The following TENM2 variants were observed in gnomAD, a reference collection of about 807,000 sequenced individuals.
TENM2 encodes the protein teneurin-2.
A neutral mutation model predicts 245.2 loss-of-function variants in TENM2; 52 were observed. The ratio of observed to expected loss-of-function variants is 0.21; its 90% CI spans 0.17 to 0.27. The LOEUF is 0.27. Among genes scored for constraint, TENM2 ranks in the 10% least tolerant of loss-of-function variants. TENM2 has a pLI of 1.00. For synonymous variants in TENM2, 1,363 were observed against 1,438.9 expected, an observed-to-expected ratio of 0.95 and a Z score of 1.19; for missense variants, 3,046 against 3,666.8, an observed-to-expected ratio of 0.83 and a Z score of 4.37.
At chr5:167,454,284 A>G (rs996255435) in intron 2 of TENM2, among the ~76,000 whole-genome samples, 1 of 152,170 alleles carries the variant, frequency 6.6e-6, no homozygotes, top group African/African-American at 2.4e-5. Context: ...GTATTGCTGT[A>G]CTAGTCAGGA....
At chr5:167,802,212 G>A (rs987203670) in intron 2 of TENM2, among the ~76,000 whole-genome samples, 15 of 152,094 alleles carry the variant, frequency 9.9e-5, no homozygotes, top group Admixed American at 8.5e-4. Context: ...TGGGAAATAA[G>A]TTTCAACATG....
At chr5:167,393,652 C>T (rs1761893960) in intron 2 of TENM2, among the ~76,000 whole-genome samples, 1 of 152,140 alleles carries the variant, frequency 6.6e-6, no homozygotes, top group African/African-American at 2.4e-5. Context: ...GGCCTTTGCT[C>T]TGAGGGAAAT....
chr5:167,599,156 T>C (rs1175428254), intron 2 of TENM2, among the ~76,000 whole-genome samples: 1 of 152,192 alleles, frequency 6.6e-6, no homozygotes, highest in Non-Finnish European at 1.5e-5. Flanking sequence ...GCTTTGTATA[T>C]AGAATTTATA....
intron 5 of TENM2, among the ~76,000 whole-genome samples, chr5:168,036,677 G>GTATA (rs60784450): frequency 0.45 from 53,088 of 117,234 alleles, 13,443 homozygotes; most frequent in Non-Finnish European, 0.55. Context: ...ATATGTATGT[G>GTATA]TATATATATA....
rs377447745 is a variant in TENM2 at position 167,288,047 on chromosome 5, G to A, written c.226+2984G>A. 1.1e-4 allele frequency among the ~76,000 whole-genome samples: 16 copies of A among 152,174 alleles called. No individual in the cohort carries two copies. The East Asian group carries it at 1.6e-3, about 15-fold the overall frequency. ...GGTCGGCCAAGTTCCCAGGCAGTTT[G>A]TACAAGCTTGTCTTTTTTTTTGGAC... On this transcript the variant is annotated intron_variant, in intron 1 of 28. Transcript: ENST00000518659.
At chr5:168,122,378 G>A (rs1795529950) in intron 10 of TENM2, among the ~76,000 whole-genome samples, 2 of 151,958 alleles carry the variant, frequency 1.3e-5, no homozygotes, top group South Asian at 2.1e-4. Context: ...GAGTTTCACC[G>A]TGTTAGCCAG....
the TENM2 span, among the ~76,000 whole-genome samples, chr5:167,013,988 A>G: frequency 6.6e-6 from 1 of 152,212 alleles, no homozygotes; most frequent in Non-Finnish European, 1.5e-5. Context: ...AAGGCCATCA[A>G]TGAAGCCTGA....
the TENM2 span, among the ~76,000 whole-genome samples, chr5:167,046,540 A>C: frequency 6.6e-6 from 1 of 152,264 alleles, no homozygotes; most frequent in African/African-American, 2.4e-5. Flanking sequence ...GTCAGGTTCT[A>C]TGGGTTAGTA....
At chr5:167,065,682 G>T in the TENM2 span, among the ~76,000 whole-genome samples, 1 of 152,180 alleles carries the variant, frequency 6.6e-6, no homozygotes, top group Non-Finnish European at 1.5e-5. Flanking sequence ...GCAAAGATAG[G>T]AATCAATTCT....
intron 2 of TENM2, among the ~76,000 whole-genome samples, chr5:167,505,316 T>C (rs1769470079): frequency 6.6e-6 from 1 of 152,224 alleles, no homozygotes; most frequent in African/African-American, 2.4e-5. Flanking sequence ...GCAAAACATG[T>C]TTATAATATT....
At chr5:167,351,927 T>C (rs17068355) in intron 1 of TENM2, among the ~76,000 whole-genome samples, 15,283 of 152,184 alleles carry the variant, frequency 0.1, 1,198 homozygotes, top group Admixed American at 0.26. Flanking sequence ...CAACATTCTC[T>C]GATTTGAGGT....
At chr5:167,597,645 C>G (rs539680314) in intron 2 of TENM2, among the ~76,000 whole-genome samples, 2 of 152,252 alleles carry the variant, frequency 1.3e-5, no homozygotes, top group African/African-American at 4.8e-5. Context: ...AATGATAATT[C>G]CAGTGCTACT....
intron 3 of TENM2, among the ~76,000 whole-genome samples, chr5:167,883,769 A>G (rs1169566869): frequency 6.6e-6 from 1 of 152,226 alleles, no homozygotes; most frequent in Non-Finnish European, 1.5e-5. Flanking sequence ...TCGCAAATTC[A>G]CTTAAAGAGT....
At chr5:168,099,982 G>A (rs755632524) in intron 9 of TENM2, among the ~76,000 whole-genome samples, 4 of 152,120 alleles carry the variant, frequency 2.6e-5, no homozygotes, top group South Asian at 2.1e-4. Context: ...TATTCTCTTC[G>A]TAGCAATTGT....
chr5:166,990,430 A>G, the TENM2 span, among the ~76,000 whole-genome samples: 2 of 152,228 alleles, frequency 1.3e-5, no homozygotes, highest in Non-Finnish European at 2.9e-5. Context: ...AGTGTTATTA[A>G]TAATGACAAA....
the TENM2 span, among the ~76,000 whole-genome samples, chr5:167,010,231 A>C: frequency 6.6e-6 from 1 of 152,110 alleles, no homozygotes; most frequent in East Asian, 1.9e-4. Context: ...AAAATACAAA[A>C]AATTAGCCGG....
At position 167,901,463 on chromosome 5, in the gene TENM2, G is replaced by A. The variant is rs111354310; in HGVS notation, c.712+25268G>A. On this transcript the variant is annotated intron_variant, in intron 3 of 28. Coordinates refer to ENST00000518659, the Ensembl canonical transcript of TENM2. ...AACATACAGCACCATGAACCAGCAC[G>A]CAGTGACACTGTGGTCTAGAGTTTG... Among the ~76,000 whole-genome samples the A allele has an allele frequency of 1.2e-4, 18 of 152,286 alleles. No homozygotes were observed. In the East Asian group the frequency reaches 2.5e-3, roughly 21 times the overall value.
chr5:167,758,868 G>A (rs1379011880), intron 2 of TENM2, among the ~76,000 whole-genome samples: 2 of 152,080 alleles, frequency 1.3e-5, no homozygotes, highest in East Asian at 3.9e-4. Flanking sequence ...CTAGGACCTT[G>A]ATTGATACAG....
rs145720305 is a variant in TENM2, at chr5:167,766,609, G to A, written c.503-109377G>A. ...GTAGAACGCTTGGCCAGGCATGATG[G>A]CTCATGCCTGTAATCCCAGCACTTT... On this transcript the variant is annotated intron_variant, in intron 2 of 28. Transcript: ENST00000518659. 4.6e-3 allele frequency among the ~76,000 whole-genome samples: 702 copies of A among 152,246 alleles called. 4 individuals are homozygous for A. The highest frequency in any genetic ancestry group is 0.016 in the African/African-American group (656 of 41,548).
Sources: gnomAD v4.1 joint callset for allele counts (sites outside exome capture counted in the v4.1 genomes callset) on GRCh38, gnomAD v4.1.1 for gene constraint, MANE v1.5 for transcripts, NCBI Gene and HGNC (gene_info 2026-07-23, HGNC 2026-07-21) for gene names.